The following HEBP1 variants were observed in gnomAD, a reference collection of about 807,000 sequenced individuals.
The protein encoded by HEBP1 is heme binding protein 1.
In HEBP1, 13 loss-of-function variants were observed where a neutral mutation model predicts 20.4. The observed-to-expected ratio is 0.64, with a 90% CI of 0.42 to 1.01. The LOEUF is 1.01. Ranked by LOEUF, HEBP1 falls within the 50% of genes least tolerant of loss-of-function variation. The pLI is 0.00. For missense variants in HEBP1, 241 were observed against 247.3 expected, an observed-to-expected ratio of 0.97 and a Z score of 0.17; for synonymous variants, 92 against 90.7, an observed-to-expected ratio of 1.01 and a Z score of -0.08.
At chr12:12,988,153 G>A (rs868772284) in intron 2 of HEBP1, among the ~76,000 whole-genome samples, 1 of 152,118 alleles carries the variant, frequency 6.6e-6, no homozygotes, top group Non-Finnish European at 1.5e-5. Context: ...ACTAACAGAA[G>A]CAGGATATGT....
chr12:12,977,001 T>C (rs1863997558), intron 3 of HEBP1, among the ~76,000 whole-genome samples: 1 of 152,246 alleles, frequency 6.6e-6, no homozygotes, highest in African/African-American at 2.4e-5. Context: ...CTGCACCCCC[T>C]ACTTGTGCTG....
At chr12:12,983,835 G>A (rs1359422028) in intron 3 of HEBP1, 2 of 453,704 alleles carry the variant, frequency 4.4e-6, no homozygotes, top group Non-Finnish European at 8.9e-6. Flanking sequence ...GTTCCTTAGA[G>A]AAATGGCTAA....
intron 3 of HEBP1, chr12:12,978,923 A>ATG (rs1224336694): frequency 1.3e-5 from 2 of 152,226 alleles, no homozygotes; most frequent in Non-Finnish European, 1.5e-5. Context: ...GTGTCTGACC[A>ATG]TGTAAAAATC....
chr12:12,979,241 G>C (rs920915441), intron 3 of HEBP1, among the ~76,000 whole-genome samples: 1 of 152,168 alleles, frequency 6.6e-6, no homozygotes, highest in South Asian at 2.1e-4. Context: ...AATTCACTCC[G>C]GGAAAACCCC....
At chr12:12,977,954 T>C (rs892204521) in intron 3 of HEBP1, among the ~76,000 whole-genome samples, 1 of 152,176 alleles carries the variant, frequency 6.6e-6, no homozygotes, top group Non-Finnish European at 1.5e-5. Context: ...AATGAACAAT[T>C]CTGGGCTAAA....
chr12:12,979,341 G>A (rs891867153), intron 3 of HEBP1: 3 of 152,386 alleles, frequency 2.0e-5, no homozygotes, highest in Admixed American at 2.0e-4. Flanking sequence ...TCCTTTTACT[G>A]GAAAACAAAC....
At chr12:12,978,193 G>A (rs1395146212) in intron 3 of HEBP1, among the ~76,000 whole-genome samples, 9 of 135,588 alleles carry the variant, frequency 6.6e-5, no homozygotes, top group South Asian at 2.4e-4. Flanking sequence ...GTAGACCTAC[G>A]AAAGGGTTTT....
rs1462921595 is a variant in HEBP1 at position 12,983,848 on chromosome 12, C to G, written c.398+3304G>C. ...GCGTTCCTTAGAGAAATGGCTAATT[C>G]TAGCTCTAGGGCAAGAAATGCTAAG... On this transcript the variant is annotated intron_variant, in intron 3 of 3. Coordinates refer to ENST00000014930, the MANE Select transcript of HEBP1 (RefSeq NM_015987.5). The G allele has an allele frequency of 1.1e-5, 5 of 451,356 alleles. No homozygotes were observed. In the Admixed American group the frequency reaches 1.2e-4, roughly 11 times the overall value. The allele number at this position is 451,356 out of a possible 1,614,324, so 28.0% of individuals were successfully genotyped here. A position where few individuals can be genotyped will look rare whatever the true frequency, so the allele number is the denominator to read the frequency against.
rs1216265971 is a variant in HEBP1, at chr12:12,986,896, A to T, written c.398+256T>A. ...CCTGCTATGGCTAATGTAGACATTCACTGTAAGCTTAAGCAAAGCTTAAGC... is the reference window on the plus strand; with the variant it reads ...CCTGCTATGGCTAATGTAGACATTCTCTGTAAGCTTAAGCAAAGCTTAAGC... On this transcript the variant is annotated intron_variant, in intron 3 of 3. Transcript: ENST00000014930. This position sits in a 1 kb window ranked among gnomAD's most constrained non-coding sequence, Gnocchi z 4.3. 9.7e-6 allele frequency: 4 copies of T among 413,748 alleles called. No individual in the cohort carries two copies. The East Asian group carries it at 1.3e-4, about 13-fold the overall frequency. 25.6% of individuals were successfully genotyped at this position (413,748 alleles called of 1,614,324 possible). A position where few individuals can be genotyped will look rare whatever the true frequency, so the allele number is the denominator to read the frequency against.
chr12:12,996,310 A>G lies in HEBP1; in HGVS notation c.78+3727T>C, dbSNP rs551987464. ...GTCCTAACCTGTGTGCACAGGCCGG[A>G]CACAAATCTGATTAAGGATGTCAGT... On this transcript the variant is annotated intron_variant, in intron 1 of 3. Transcript: ENST00000014930. The surrounding 1 kb of genome is among the most constrained non-coding windows in gnomAD (Gnocchi z 4.1). 1.4e-4 allele frequency among the ~76,000 whole-genome samples: 21 copies of G among 152,218 alleles called. No homozygotes were observed. The highest frequency in any genetic ancestry group is 2.4e-4 in the Non-Finnish European group (16 of 68,040).
chr12:12,990,013 C>T (rs1216059904), intron 1 of HEBP1, among the ~76,000 whole-genome samples: 1 of 151,976 alleles, frequency 6.6e-6, no homozygotes, highest in Non-Finnish European at 1.5e-5. Flanking sequence ...TAGTATTTTG[C>T]ATATAACCCA....
Position 12,996,328 on chromosome 12 carries a change from A to G in HEBP1, c.78+3709T>C, listed in dbSNP as rs1340980843. The stretch of plus-strand genomic sequence containing the variant: ...AGGCCGGACACAAATCTGATTAAGG[A>G]TGTCAGTTACTAATATCAGTTCTGC... On this transcript the variant is annotated intron_variant, in intron 1 of 3. Coordinates refer to ENST00000014930, the MANE Select transcript of HEBP1 (RefSeq NM_015987.5). The surrounding 1 kb of genome is among the most constrained non-coding windows in gnomAD (Gnocchi z 4.1). Among the ~76,000 whole-genome samples, 1 of 152,188 alleles carries G rather than the reference A, an allele frequency of 6.6e-6. No individual in the cohort carries two copies. Among genetic ancestry groups the G allele is most frequent in the African/African-American group, 2.4e-5 (1 of 41,432 alleles).
rs1193316031 is a variant in HEBP1 at position 12,983,517 on chromosome 12, C to T, written c.398+3635G>A. 2.9e-5 allele frequency: 10 copies of T among 345,238 alleles called. No homozygotes were observed. The East Asian group carries it at 3.9e-4, about 13-fold the overall frequency. 21.4% of individuals were successfully genotyped at this position (345,238 alleles called of 1,614,324 possible). A position where few individuals can be genotyped will look rare whatever the true frequency, so the allele number is the denominator to read the frequency against. On this transcript the variant is annotated intron_variant, in intron 3 of 3. Transcript: ENST00000014930. ...ACTCACTGCATTATTTGATAGAGTA[C>T]TTTTGCATTTGAAGTAGTACATTTG...
In HEBP1 at chr12:12,996,705, A is replaced by G. The variant is rs1470323840; in HGVS notation, c.78+3332T>C. On this transcript the variant is annotated intron_variant, in intron 1 of 3. Coordinates refer to ENST00000014930, the MANE Select transcript of HEBP1 (RefSeq NM_015987.5). This position sits in a 1 kb window ranked among gnomAD's most constrained non-coding sequence, Gnocchi z 4.1. The stretch of plus-strand genomic sequence containing the variant: ...CATAATTAATTAATTTCACATTGGC[A>G]TTGTTATTCTCATCTTAGAGTTGAG... Among the ~76,000 whole-genome samples, 2 of 152,168 alleles carry G rather than the reference A, an allele frequency of 1.3e-5. No homozygotes were observed. The highest frequency in any genetic ancestry group is 2.9e-5 in the Non-Finnish European group (2 of 68,038).
intron 1 of HEBP1, among the ~76,000 whole-genome samples, chr12:12,993,169 CT>C (rs1864247132): frequency 1.1e-4 from 12 of 110,896 alleles, no homozygotes; most frequent in African/African-American, 4.5e-4. Context: ...CTTCCTTCCT[CT>C]CTCTCTCTCT....
chr12:12,989,190 G>T, intron 2 of HEBP1, 87 bp downstream of exon 2: 1 of 1,422,336 alleles, frequency 7.0e-7, no homozygotes, highest in Non-Finnish European at 9.9e-7. Context: ...GTGCCTTGTA[G>T]CCCCTCACTT....
chr12:12,978,349 T>C (rs1364079138), intron 3 of HEBP1, among the ~76,000 whole-genome samples: 1 of 151,760 alleles, frequency 6.6e-6, no homozygotes, highest in Non-Finnish European at 1.5e-5. Flanking sequence ...TAGCTGGGAC[T>C]ACAGGCACAC....
intron 1 of HEBP1, among the ~76,000 whole-genome samples, chr12:12,999,418 C>A (rs1312691267): frequency 1.3e-5 from 2 of 152,232 alleles, no homozygotes; most frequent in Non-Finnish European, 2.9e-5. Flanking sequence ...TCGATCCGAT[C>A]ACCAAGCTAG....
In HEBP1 at chr12:12,975,233, C is replaced by A; in HGVS notation, c.*75G>T. 1 of 1,414,804 alleles carries A rather than the reference C, an allele frequency of 7.1e-7. No homozygotes were observed. Among genetic ancestry groups the A allele is most frequent in the Non-Finnish European group, 9.8e-7 (1 of 1,020,972 alleles). 87.6% of individuals were successfully genotyped at this position (1,414,804 alleles called of 1,614,324 possible). On this transcript the variant is annotated 3_prime_UTR_variant, in exon 4 of 4. Coordinates refer to ENST00000014930, the MANE Select transcript of HEBP1 (RefSeq NM_015987.5). ...GGACTTGCAGCTGGAACTTGGGAAG[C>A]ACTGTCCCCTCCTTACCCCCGAGGA...
Sources: allele counts gnomAD v4.1 joint callset (sites outside exome capture counted in the v4.1 genomes callset), GRCh38; gene constraint gnomAD v4.1.1; non-coding constraint Gnocchi (gnomAD v3.1); transcripts MANE v1.5; gene names NCBI Gene and HGNC (gene_info 2026-07-23, HGNC 2026-07-21).